HMX1: variants seen among roughly 807,000 people sequenced by gnomAD.
The protein encoded by HMX1 is homeobox protein HMX1.
A neutral mutation model predicts 8.9 loss-of-function variants in HMX1; 8 were observed. That is an observed-to-expected ratio of 0.90 (90% CI 0.53 to 1.63). The LOEUF (loss-of-function observed/expected upper bound fraction) is 1.63, where lower values mean the gene tolerates loss of function less well. Among genes scored for constraint, HMX1 ranks in the 40% most tolerant of loss-of-function variants. The probability of loss-of-function intolerance (pLI) is 0.00; values close to 1 mark genes in which losing one functional copy is unlikely to be tolerated. For synonymous variants in HMX1, 311 were observed against 283.4 expected (o/e 1.10, Z -0.98); for missense variants, 621 against 558.5 (o/e 1.11, Z -1.13).
In HMX1 at chr4:8,849,885, T is replaced by C. The variant is rs1235609465; in HGVS notation, c.395-3561A>G. Among the ~76,000 whole-genome samples, 1 of 152,202 alleles carries C rather than the reference T, an allele frequency of 6.6e-6. No individual in the cohort carries two copies. Among genetic ancestry groups the C allele is most frequent in the Non-Finnish European group, 1.5e-5 (1 of 68,038 alleles). On this transcript the variant is annotated intron_variant, in intron 1 of 1. Coordinates refer to the HMX1 transcript ENST00000506970. The surrounding 1 kb of genome is among the most constrained non-coding windows in gnomAD (Gnocchi z 6.6). Reference sequence around the variant, plus strand: ...CCGGAGTCTTCAGATGAGGGTTCTCTGCCCTTGCTTCCTGTCAGGGGGGCC... The same window carrying C: ...CCGGAGTCTTCAGATGAGGGTTCTCCGCCCTTGCTTCCTGTCAGGGGGGCC...
intron 1 of HMX1, among the ~76,000 whole-genome samples, chr4:8,851,246 C>A (rs1577191816): frequency 1.3e-5 from 2 of 152,146 alleles, no homozygotes; most frequent in East Asian, 1.9e-4. Context: ...GTCTTCGTGG[C>A]AGAACAGAAG....
chr4:8,858,757 C>T (rs778481350), intron 1 of HMX1: 2 of 152,326 alleles, frequency 1.3e-5, no homozygotes, highest in Non-Finnish European at 2.9e-5. Context: ...GTCCTGGAGT[C>T]GGTCCTGAGT....
chr4:8,849,130 A>G lies in HMX1; in HGVS notation c.395-2806T>C, dbSNP rs1721363496. 6.6e-6 allele frequency among the ~76,000 whole-genome samples: 1 copy of G among 152,016 alleles called. No homozygotes were observed. The highest frequency in any genetic ancestry group is 2.1e-4 in the South Asian group (1 of 4,822). The stretch of plus-strand genomic sequence containing the variant: ...TCCCATCTGTGAAACGGGGGTATGA[A>G]GTGTGGGATGAAGCCTTTTCATGAG... On this transcript the variant is annotated intron_variant, in intron 1 of 1. Transcript: ENST00000506970. The surrounding 1 kb of genome is among the most constrained non-coding windows in gnomAD (Gnocchi z 6.6).
At chr4:8,846,142 G>C (rs1005942516) in exon 2 of HMX1, 6 of 846,182 alleles carry the variant, frequency 7.1e-6, no homozygotes, top group African/African-American at 3.4e-5. Flanking sequence ...ACTGCTCCAC[G>C]CGGTCACTCG....
chr4:8,855,274 C>T lies in HMX1; in HGVS notation c.395-8950G>A, dbSNP rs188043362. Among the ~76,000 whole-genome samples, 65 of 152,360 alleles carry T rather than the reference C, an allele frequency of 4.3e-4. 1 individual carries two copies. The highest frequency in any genetic ancestry group is 1.3e-3 in the African/African-American group (55 of 41,588). On this transcript the variant is annotated intron_variant, in intron 1 of 1. Transcript: ENST00000506970. ...AAGGCTGACCTCCACTGTGTGGCTG[C>T]GGTGAGGATGAAGCTGCTGTCTCAT...
At chr4:8,860,499 C>T (rs147319283) in intron 1 of HMX1, 13,934 of 152,388 alleles carry the variant, frequency 0.091, 730 homozygotes, top group African/African-American at 0.14. Flanking sequence ...AGCCACACAG[C>T]GGGCCAGTGA....
rs1296958340 is a variant in HMX1 at position 8,853,255 on chromosome 4, C to G, written c.395-6931G>C. 2.0e-5 allele frequency among the ~76,000 whole-genome samples: 3 copies of G among 152,178 alleles called. No individual in the cohort carries two copies. Among genetic ancestry groups the G allele is most frequent in the African/African-American group, 7.2e-5 (3 of 41,430 alleles). On this transcript the variant is annotated intron_variant, in intron 1 of 1. Coordinates refer to the HMX1 transcript ENST00000506970. The surrounding 1 kb of genome is among the most constrained non-coding windows in gnomAD (Gnocchi z 4.7). ...CTGGTAAACCATCCAGGAGGTAGGA[C>G]AGCTCTGCCCCAGGTCACCAGGGAC...
In HMX1 at chr4:8,871,325, C is replaced by G; in HGVS notation, c.290G>C (p.Arg97Pro). The G allele has an allele frequency of 7.5e-7, 1 of 1,339,544 alleles. No individual in the cohort carries two copies. The highest frequency in any genetic ancestry group is 9.5e-7 in the Non-Finnish European group (1 of 1,052,628). The allele number at this position is 1,339,544 out of a possible 1,614,324, so 83.0% of individuals were successfully genotyped here. The change falls in exon 1 of 2, where the codon CGG becomes CCG. Residue 97 changes from arginine to proline, a missense_variant. By Grantham distance (103) the Arg-to-Pro change is moderately radical. Coordinates refer to ENST00000400677, the MANE Select transcript of HMX1 (RefSeq NM_018942.3). This position sits in a 1 kb window ranked among gnomAD's most constrained non-coding sequence, Gnocchi z 4.8. ...LGPGALGLGP[R>P]PPPGPGPPFA... is the part of the protein sequence containing the mutation. Reference sequence around the variant, plus strand: ...GGGCGGCCCGGGACCGGGGGGCGGCCGAGGACCGAGGCCCAGCGCGCCCGG... The same window carrying G: ...GGGCGGCCCGGGACCGGGGGGCGGCGGAGGACCGAGGCCCAGCGCGCCCGG...
At position 8,867,472 on chromosome 4, in the gene HMX1, G is replaced by A; in HGVS notation, c.*221C>T. 4.3e-6 allele frequency: 5 copies of A among 1,154,964 alleles called. No homozygotes were observed. The highest frequency in any genetic ancestry group is 5.3e-6 in the Non-Finnish European group (5 of 939,444). 71.5% of individuals were successfully genotyped at this position (1,154,964 alleles called of 1,614,324 possible). A position where few individuals can be genotyped will look rare whatever the true frequency, so the allele number is the denominator to read the frequency against. ...TCTGCATGGCCCCCTGTTCGAGTGGGGATCCAGCCTGGCAAATGGGTGGGG... is the reference window on the plus strand; with the variant it reads ...TCTGCATGGCCCCCTGTTCGAGTGGAGATCCAGCCTGGCAAATGGGTGGGG... On this transcript the variant is annotated 3_prime_UTR_variant, in exon 2 of 2. Transcript: ENST00000400677.
downstream of HMX1, among the ~76,000 whole-genome samples, chr4:8,865,151 C>G (rs570772692): frequency 6.6e-6 from 1 of 152,172 alleles, no homozygotes; most frequent in Admixed American, 6.5e-5. Context: ...CTGACTGAAC[C>G]GCCTGTAAGG....
Position 8,871,370 on chromosome 4 carries a change from C to A in HMX1, c.245G>T (p.Arg82Leu). 1 of 1,239,032 alleles carries A rather than the reference C, an allele frequency of 8.1e-7. No homozygotes were observed. The highest frequency in any genetic ancestry group is 1.0e-6 in the Non-Finnish European group (1 of 990,310). The allele number at this position is 1,239,032 out of a possible 1,614,324, so 76.8% of individuals were successfully genotyped here. A position where few individuals can be genotyped will look rare whatever the true frequency, so the allele number is the denominator to read the frequency against. ...GCCCGGCCCGAGCAGCGCACGGGCC[C>A]GCGCCTCCCCGCCGGGCCCGGTGCC... ...LAGTGPGGEA[R>L]ARALLGPGAL... The change falls in exon 1 of 2, where the codon CGG (arginine) becomes CTG (leucine). Residue 82 changes from arginine to leucine, a missense_variant. Transcript: ENST00000400677. This position sits in a 1 kb window ranked among gnomAD's most constrained non-coding sequence, Gnocchi z 4.8.
downstream of HMX1, among the ~76,000 whole-genome samples, chr4:8,866,016 T>C (rs1317829775): frequency 2.6e-5 from 4 of 152,156 alleles, no homozygotes; most frequent in South Asian, 4.1e-4. Context: ...CACGCTGTCA[T>C]GACACAGGGC....
In HMX1 at chr4:8,848,143, C is replaced by A. The variant is rs1721332373; in HGVS notation, c.395-1819G>T. On this transcript the variant is annotated intron_variant, in intron 1 of 1. Coordinates refer to the HMX1 transcript ENST00000506970. This position sits in a 1 kb window ranked among gnomAD's most constrained non-coding sequence, Gnocchi z 4.1. ...ATAGCTAAATTCAGATCAAGTATTT[C>A]CAATAAAACTTCGGCATCTGAATGG... 6.6e-6 allele frequency among the ~76,000 whole-genome samples: 1 copy of A among 152,174 alleles called. No individual in the cohort carries two copies. The highest frequency in any genetic ancestry group is 2.4e-5 in the African/African-American group (1 of 41,450).
Position 8,871,291 on chromosome 4 carries a change from C to G in HMX1, c.324G>C (p.Leu108=). ...ACCAGCGCGCTGCGCCTCCGCAGCC[C>G]AGAGCGAAGGGCGGCCCGGGACCGG... The part of the protein sequence containing the change: ...PPPGPGPPFA[L]GCGGAARWYP... Residue 108 remains leucine, a synonymous_variant, in exon 1 of 2, where the codon CTG becomes CTC. Transcript: ENST00000400677. The surrounding 1 kb of genome is among the most constrained non-coding windows in gnomAD (Gnocchi z 4.8). 6.9e-7 allele frequency: 1 copy of G among 1,459,304 alleles called. No individual in the cohort carries two copies. Among genetic ancestry groups the G allele is most frequent in the Non-Finnish European group, 9.0e-7 (1 of 1,112,326 alleles). The allele number at this position is 1,459,304 out of a possible 1,614,324, so 90.4% of individuals were successfully genotyped here. A position where few individuals can be genotyped will look rare whatever the true frequency, so the allele number is the denominator to read the frequency against.
chr4:8,864,197 C>G (rs1332732147), downstream of HMX1, among the ~76,000 whole-genome samples: 71 of 152,220 alleles, frequency 4.7e-4, no homozygotes. Flanking sequence ...TTACAAATTA[C>G]AGACCCTAGT....
Position 8,871,788 on chromosome 4 carries a change from G to C in HMX1, c.-174C>G. ...GCGCCGGGCTGGGCTGGGCCGGGCC[G>C]GGAGCGAGTGCGCGCCGACAGCTGA... On this transcript the variant is annotated 5_prime_UTR_variant, in exon 1 of 2. Coordinates refer to ENST00000400677, the MANE Select transcript of HMX1 (RefSeq NM_018942.3). The surrounding 1 kb of genome is among the most constrained non-coding windows in gnomAD (Gnocchi z 4.8). 1.2e-6 allele frequency: 1 copy of C among 820,714 alleles called. No individual in the cohort carries two copies. Among genetic ancestry groups the C allele is most frequent in the Non-Finnish European group, 1.5e-6 (1 of 678,184 alleles). The allele number at this position is 820,714 out of a possible 1,614,324, so 50.8% of individuals were successfully genotyped here. A position where few individuals can be genotyped will look rare whatever the true frequency, so the allele number is the denominator to read the frequency against.
Position 8,871,636 on chromosome 4 carries a change from C to T in HMX1, c.-22G>A, listed in dbSNP as rs146326126. ...GCATCGCGGCCGCGGGCTTCTCGGGCTCGGCCGGGCTCCTCGGTCCCCGCT... is the reference window on the plus strand; with the variant it reads ...GCATCGCGGCCGCGGGCTTCTCGGGTTCGGCCGGGCTCCTCGGTCCCCGCT... On this transcript the variant is annotated 5_prime_UTR_variant, in exon 1 of 2. Coordinates refer to ENST00000400677, the MANE Select transcript of HMX1 (RefSeq NM_018942.3). The surrounding 1 kb of genome is among the most constrained non-coding windows in gnomAD (Gnocchi z 4.8). 39,741 of 1,236,778 alleles carry T rather than the reference C, an allele frequency of 0.032. 745 individuals carry two copies. Among genetic ancestry groups the T allele is most frequent in the South Asian group, 0.044 (1,593 of 36,408 alleles). 76.6% of individuals were successfully genotyped at this position (1,236,778 alleles called of 1,614,324 possible). A position where few individuals can be genotyped will look rare whatever the true frequency, so the allele number is the denominator to read the frequency against.
At chr4:8,857,946 G>A (rs1332554023) in intron 1 of HMX1, among the ~76,000 whole-genome samples, 6 of 152,142 alleles carry the variant, frequency 3.9e-5, no homozygotes, top group Admixed American at 6.5e-5. Context: ...AGGGCTTCGG[G>A]CGCTCGGGGA....
rs547667959 is a variant in HMX1 at position 8,847,762 on chromosome 4, T to C, written c.395-1438A>G. Among the ~76,000 whole-genome samples, 4 of 152,312 alleles carry C rather than the reference T, an allele frequency of 2.6e-5. No homozygotes were observed. Among genetic ancestry groups the C allele is most frequent in the African/African-American group, 4.8e-5 (2 of 41,580 alleles). On this transcript the variant is annotated intron_variant, in intron 1 of 1. Coordinates refer to the HMX1 transcript ENST00000506970. The surrounding 1 kb of genome is among the most constrained non-coding windows in gnomAD (Gnocchi z 6.0). The stretch of plus-strand genomic sequence containing the variant: ...CTCCTTCATTATATCCTGCATACAG[T>C]TGGTACTCTGTAATTGCTTTCTGGA...
Sources: allele counts gnomAD v4.1 joint callset (sites outside exome capture counted in the v4.1 genomes callset), GRCh38; gene constraint gnomAD v4.1.1; non-coding constraint Gnocchi (gnomAD v3.1); transcripts MANE v1.5; gene names NCBI Gene and HGNC (gene_info 2026-07-23, HGNC 2026-07-21).